SUCO: variants seen among roughly 807,000 people sequenced by gnomAD.
SUCO encodes the protein SUN domain containing ossification factor, also known as SUN domain-containing ossification factor.
In SUCO, 57 loss-of-function variants were observed where a neutral mutation model predicts 148.1. The ratio of observed to expected loss-of-function variants is 0.38; its 90% CI spans 0.31 to 0.48. The LOEUF (loss-of-function observed/expected upper bound fraction) is 0.48, where lower values mean the gene tolerates loss of function less well. Among genes scored for constraint, SUCO ranks in the 20% least tolerant of loss-of-function variants. The pLI, the probability that SUCO is intolerant of heterozygous loss-of-function variation, is 0.96. For missense variants in SUCO, 1,331 were observed against 1,468.2 expected, an observed-to-expected ratio of 0.91 and a Z score of 1.53; for synonymous variants, 470 against 502.7, an observed-to-expected ratio of 0.93 and a Z score of 0.87.
Position 172,591,090 on chromosome 1 carries a change from T to TATTTACTTTTTATATA in SUCO, c.2913+21_2913+36dup. 3 of 1,568,260 alleles carry TATTTACTTTTTATATA rather than the reference T, an allele frequency of 1.9e-6. No individual in the cohort carries two copies. In the South Asian group the frequency reaches 3.4e-5, roughly 18 times the overall value. ...GGAGCAGGTTGGTTTCTACATCCCT[T>TATTTACTTTTTATATA]ATTTACTTTTTATATAAATTTCCAC... On this transcript the variant is annotated intron_variant, in intron 19 of 23. Coordinates refer to ENST00000263688, the MANE Select transcript of SUCO (RefSeq NM_014283.5).
intron 10 of SUCO, 51 bp from the exon 11 acceptor site, chr1:172,575,467 A>C (rs763776775): frequency 1.5e-6 from 2 of 1,301,600 alleles, no homozygotes; most frequent in South Asian, 2.5e-5. Context: ...AGAACCTTTC[A>C]ATATGTGGTT....
In SUCO at chr1:172,610,250, A is replaced by C. The variant is rs1430865903; in HGVS notation, c.3756A>C (p.Gly1252=). The part of the protein sequence containing the change: ...VGTFGVTAVS[G]HI ...CATTTGGTGTTACAGCAGTCTCGGG[A>C]CATATCTAAAATTAATTGAACTTTT... Residue 1252 remains glycine (G), a synonymous_variant, in exon 24 of 24, where the codon GGA becomes GGC. Coordinates refer to ENST00000263688, the MANE Select transcript of SUCO (RefSeq NM_014283.5). 2 of 1,580,688 alleles carry C rather than the reference A, an allele frequency of 1.3e-6. No individual in the cohort carries two copies. Among genetic ancestry groups the C allele is most frequent in the African/African-American group, 2.7e-5 (2 of 72,874 alleles).
intron 15 of SUCO, among the ~76,000 whole-genome samples, chr1:172,582,759 T>C (rs1182523664): frequency 1.3e-5 from 2 of 152,122 alleles, no homozygotes; most frequent in African/African-American, 2.4e-5. Context: ...TCTGTAAACA[T>C]GGGAAAATTA....
chr1:172,553,337 T>C lies in SUCO; in HGVS notation c.255T>C (p.His85=), dbSNP rs1558177716. 1.2e-6 allele frequency: 2 copies of C among 1,604,670 alleles called. No homozygotes were observed. The highest frequency in any genetic ancestry group is 1.3e-5 in the African/African-American group (1 of 74,702). ...ATTTACCTATTTCTCCAAAAGAACATAAATTAAAAGATGATTCTATTGTGG... is the reference window on the plus strand; with the variant it reads ...ATTTACCTATTTCTCCAAAAGAACACAAATTAAAAGATGATTCTATTGTGG... ...GSNLPISPKE[H]KLKDDSIVDV... Residue 85 remains histidine, a synonymous_variant, in exon 3 of 24, where the codon CAT becomes CAC. Coordinates refer to ENST00000263688, the MANE Select transcript of SUCO (RefSeq NM_014283.5).
Position 172,610,056 on chromosome 1 carries a change from T to C in SUCO, c.3562T>C (p.Cys1188Arg). Residue 1188 changes from cysteine to arginine, a missense_variant, in exon 24 of 24, where the codon TGC becomes CGC. This residue lies in a region of SUCO where 334 missense variants were observed against 352.3 expected (regional missense o/e 0.95). Transcript: ENST00000263688. Reference protein sequence around the residue: ...FCGISACTSLCNGQSQKTKTE... With the variant: ...FCGISACTSLRNGQSQKTKTE... ...TGGCATTTCAGCTTGCACAAGTCTGTGCAATGGACAGTCTCAAAAGACAAA... is the reference window on the plus strand; with the variant it reads ...TGGCATTTCAGCTTGCACAAGTCTGCGCAATGGACAGTCTCAAAAGACAAA... 1 of 1,613,916 alleles carries C rather than the reference T, an allele frequency of 6.2e-7. No individual in the cohort carries two copies. The highest frequency in any genetic ancestry group is 8.5e-7 in the Non-Finnish European group (1 of 1,179,874).
At chr1:172,580,974 G>A (rs1175123607) in intron 15 of SUCO, among the ~76,000 whole-genome samples, 2 of 93,156 alleles carry the variant, frequency 2.1e-5, no homozygotes, top group Admixed American at 1.3e-4. Flanking sequence ...TGGTGCGTGC[G>A]CCTATAATCC....
In SUCO at chr1:172,610,522, A is replaced by C. The variant is rs1658152209; in HGVS notation, c.*263A>C. The C allele has an allele frequency of 2.9e-5, 10 of 343,768 alleles. No individual in the cohort carries two copies. The South Asian group carries it at 7.1e-4, about 24-fold the overall frequency. 21.3% of individuals were successfully genotyped at this position (343,768 alleles called of 1,614,324 possible). ...TTTTCACAAGATTAATTACTGGGAC[A>C]AAAGTAATTTGGAAGCCCAGTTCCT... On this transcript the variant is annotated 3_prime_UTR_variant, in exon 24 of 24. Coordinates refer to ENST00000263688, the MANE Select transcript of SUCO (RefSeq NM_014283.5).
At chr1:172,535,803 A>G (rs950398192) in intron 1 of SUCO, among the ~76,000 whole-genome samples, 1 of 152,084 alleles carries the variant, frequency 6.6e-6, no homozygotes, top group Non-Finnish European at 1.5e-5. Context: ...CATGCTACCA[A>G]TATTACTGTG....
upstream of SUCO, chr1:172,532,519 T>G (rs745750861): frequency 1.1e-5 from 17 of 1,613,656 alleles, no homozygotes; most frequent in African/African-American, 2.0e-4. Flanking sequence ...AATCAACATC[T>G]AGCTCAATGG....
chr1:172,574,961 C>T (rs1571239109), intron 10 of SUCO: 1 of 882,404 alleles, frequency 1.1e-6, no homozygotes, highest in Non-Finnish European at 1.4e-6. Flanking sequence ...ATACACAGCT[C>T]TGATAAGTAA....
At chr1:172,555,811 TAA>T in intron 3 of SUCO, 56 bp from the exon 4 acceptor site, 1 of 1,392,492 alleles carries the variant, frequency 7.2e-7, no homozygotes, top group South Asian at 1.4e-5. Context: ...CCCGTTCTGC[TAA>T]AGAGATGTTA....
In SUCO at chr1:172,557,754, CA is replaced by C. The variant is rs1336257216; in HGVS notation, c.696del (p.Lys232AsnfsTer4). 2 of 1,606,252 alleles carry C rather than the reference CA, an allele frequency of 1.2e-6. No homozygotes were observed. Among genetic ancestry groups the C allele is most frequent in the Non-Finnish European group, 1.7e-6 (2 of 1,178,004 alleles). Reference protein sequence around the residue: ...VSASEQGGGDPKSALNASDNL... With the variant: ...VSASEQGGGDXKSALNASDNL... Reference sequence around the variant, plus strand: ...GCAAGTGAACAGGGCGGTGGTGATCCAAAATCTGCATTGAATGCTTCAGATA... The same window carrying C: ...GCAAGTGAACAGGGCGGTGGTGATCCAAATCTGCATTGAATGCTTCAGATA... On this transcript the variant is annotated frameshift_variant, in exon 6 of 24. Coordinates refer to ENST00000263688, the MANE Select transcript of SUCO (RefSeq NM_014283.5). LOFTEE classifies it high-confidence loss of function.
chr1:172,577,605 T>C lies in SUCO; in HGVS notation c.1284+46T>C, dbSNP rs563534647. ...CACTATTAAATAACAGGGCATGGCGTATTAATGCATTACAAAAACTTTACA... is the reference window on the plus strand; with the variant it reads ...CACTATTAAATAACAGGGCATGGCGCATTAATGCATTACAAAAACTTTACA... On this transcript the variant is annotated intron_variant, in intron 12 of 23. Transcript: ENST00000263688. 6 of 1,601,666 alleles carry C rather than the reference T, an allele frequency of 3.7e-6. No homozygotes were observed. In the African/African-American group the frequency reaches 8.1e-5, roughly 22 times the overall value.
At chr1:172,573,764 C>A in intron 9 of SUCO, 127 bp from the exon 10 acceptor site, 1 of 573,658 alleles carries the variant, frequency 1.7e-6, no homozygotes, top group South Asian at 2.4e-5. Flanking sequence ...AGGCTACATA[C>A]CCTCCTCTTA....
At chr1:172,576,624 G>A (rs886496523) in intron 11 of SUCO, among the ~76,000 whole-genome samples, 14 of 151,514 alleles carry the variant, frequency 9.2e-5, no homozygotes, top group African/African-American at 3.1e-4. Flanking sequence ...AGGCAAAAAC[G>A]TTAAAAATCA....
chr1:172,597,581 C>T lies in SUCO; in HGVS notation c.2914-2483C>T, dbSNP rs77851101. On this transcript the variant is annotated intron_variant, in intron 19 of 23. Transcript: ENST00000263688. ...ACTGCAAGTAAGAACGGCTTTGTTT[C>T]TTCTTTTTGATCGTCATACCTTTTT... Among the ~76,000 whole-genome samples the T allele has an allele frequency of 6.4e-4, 97 of 151,652 alleles. 1 individual carries two copies. The East Asian group carries it at 0.016, about 25-fold the overall frequency.
chr1:172,605,190 A>T (rs1044021909), intron 22 of SUCO, among the ~76,000 whole-genome samples: 4 of 151,668 alleles, frequency 2.6e-5, no homozygotes, highest in Non-Finnish European at 5.9e-5. Flanking sequence ...ACGAAGTCCC[A>T]TTTGTCTATT....
At chr1:172,600,301 A>G in intron 20 of SUCO, 133 bp downstream of exon 20, 1 of 648,412 alleles carries the variant, frequency 1.5e-6, no homozygotes, top group Non-Finnish European at 2.7e-6. Context: ...ACTTTTTCAA[A>G]AACCAGAATA....
rs142806667 is a variant in SUCO, at chr1:172,585,896, G to A, written c.1606G>A (p.Ala536Thr). 808 of 1,610,564 alleles carry A rather than the reference G, an allele frequency of 5.0e-4. 12 individuals are homozygous for A. In the South Asian group the frequency reaches 7.9e-3, roughly 16 times the overall value. The change falls in exon 17 of 24, where the codon GCA (alanine) becomes ACA (threonine). Residue 536 changes from alanine to threonine, a missense_variant. Coordinates refer to ENST00000263688, the MANE Select transcript of SUCO (RefSeq NM_014283.5). ...ATCTGAGAATGCCACTGCCACAGCT[G>A]CACCTAAAATGCCTGAATCAACTCC... ...SISENATATA[A>T]PKMPESTPVS...
Sources: gnomAD v4.1 joint callset for allele counts (sites outside exome capture counted in the v4.1 genomes callset) on GRCh38, gnomAD v4.1.1 for gene constraint, gnomAD v4.1.1 regional missense constraint, MANE v1.5 for transcripts, NCBI Gene and HGNC (gene_info 2026-07-23, HGNC 2026-07-21) for gene names.